PARD3B: variants seen among roughly 807,000 people sequenced by gnomAD.
PARD3B encodes par-3 family cell polarity regulator beta, also known as partitioning defective 3 homolog B.
Under a neutral mutation model 130.2 loss-of-function variants are expected in PARD3B, and 103 were observed. That is an observed-to-expected ratio of 0.79 (90% CI 0.67 to 0.93). The LOEUF (loss-of-function observed/expected upper bound fraction) is 0.93. Among genes scored for constraint, PARD3B ranks in the 40% least tolerant of loss-of-function variants. The pLI is 0.00. For missense variants in PARD3B, 1,609 were observed against 1,499.2 expected (o/e 1.07, Z -1.21); for synonymous variants, 583 against 553.2 (o/e 1.05, Z -0.76).
chr2:205,577,895 C>T (rs370603390), intron 22 of PARD3B, among the ~76,000 whole-genome samples: 19 of 152,214 alleles, frequency 1.2e-4, no homozygotes, highest in African/African-American at 2.6e-4. Flanking sequence ...AAGTTGTTTC[C>T]GTATTTTATG....
chr2:205,508,575 G>GA (rs11293944), intron 21 of PARD3B, among the ~76,000 whole-genome samples: 8 of 134,344 alleles, frequency 6.0e-5, no homozygotes, highest in African/African-American at 1.7e-4. Flanking sequence ...CTTTCTCCAA[G>GA]AAAAAAAAAA....
At chr2:205,408,967 C>T (rs1183784340) in intron 19 of PARD3B, among the ~76,000 whole-genome samples, 1 of 152,004 alleles carries the variant, frequency 6.6e-6, no homozygotes, top group East Asian at 1.9e-4. Flanking sequence ...TTTATGGCTC[C>T]CTTAAAATGC....
chr2:204,741,832 T>C (rs183776943), intron 2 of PARD3B, among the ~76,000 whole-genome samples: 24 of 151,870 alleles, frequency 1.6e-4, no homozygotes, highest in Middle Eastern at 3.4e-3. Flanking sequence ...CTACTCATTA[T>C]ATAATGGGCT....
At chr2:204,736,326 C>T (rs983536248) in intron 2 of PARD3B, among the ~76,000 whole-genome samples, 1 of 151,824 alleles carries the variant, frequency 6.6e-6, no homozygotes, top group African/African-American at 2.4e-5. Context: ...TTTTTTGTTA[C>T]ATAGATGAAT....
intron 2 of PARD3B, among the ~76,000 whole-genome samples, chr2:204,953,368 A>T (rs545843395): frequency 1.3e-5 from 2 of 151,368 alleles, no homozygotes; most frequent in South Asian, 4.2e-4. Flanking sequence ...CAGAAACAAA[A>T]TTGTGTGTTA....
intron 2 of PARD3B, among the ~76,000 whole-genome samples, chr2:204,919,059 A>T (rs986250797): frequency 6.6e-6 from 1 of 152,152 alleles, no homozygotes; most frequent in Non-Finnish European, 1.5e-5. Context: ...CCATCTACTT[A>T]ACACCTAGAT....
rs953677498 is a variant in PARD3B, at chr2:205,558,767, C to T, written c.3260+5364C>T. ...CATTCATGTCCCACTCTTGTGACCC[C>T]GTTTGATATACTCCTCCTTCTGCCT... On this transcript the variant is annotated intron_variant, in intron 22 of 22. Coordinates refer to ENST00000406610, the MANE Select transcript of PARD3B (RefSeq NM_001302769.2). This position sits in a 1 kb window ranked among gnomAD's most constrained non-coding sequence, Gnocchi z 4.8. Among the ~76,000 whole-genome samples the T allele has an allele frequency of 9.2e-5, 14 of 152,092 alleles. No individual in the cohort carries two copies. The highest frequency in any genetic ancestry group is 3.9e-4 in the East Asian group (2 of 5,170).
chr2:204,645,831 T>C (rs2035253250), intron 1 of PARD3B, among the ~76,000 whole-genome samples: 1 of 152,172 alleles, frequency 6.6e-6, no homozygotes. Context: ...TTCCTTTGCT[T>C]TTTTGACATG....
chr2:204,935,966 A>G (rs1187218427), intron 2 of PARD3B, among the ~76,000 whole-genome samples: 1 of 152,230 alleles, frequency 6.6e-6, no homozygotes, highest in African/African-American at 2.4e-5. Context: ...TTAATTGAGT[A>G]TACATTGTGT....
intron 18 of PARD3B, among the ~76,000 whole-genome samples, chr2:205,347,289 G>A (rs1269741715): frequency 6.6e-6 from 1 of 152,094 alleles, no homozygotes; most frequent in Non-Finnish European, 1.5e-5. Flanking sequence ...GTGATCCATT[G>A]AAAATGGTGG....
chr2:205,147,451 T>C (rs942391462), intron 10 of PARD3B, among the ~76,000 whole-genome samples: 1 of 152,208 alleles, frequency 6.6e-6, no homozygotes, highest in Admixed American at 6.5e-5. Context: ...AAATATTACA[T>C]TGAACAGGCA....
intron 2 of PARD3B, among the ~76,000 whole-genome samples, chr2:204,820,168 C>T (rs1283097514): frequency 2.7e-5 from 4 of 148,568 alleles, no homozygotes; most frequent in African/African-American, 7.6e-5. Context: ...CTCTACCTCC[C>T]GGGTTCAAGT....
At chr2:204,766,114 T>C (rs984211160) in intron 2 of PARD3B, among the ~76,000 whole-genome samples, 14 of 152,200 alleles carry the variant, frequency 9.2e-5, no homozygotes, top group Admixed American at 3.9e-4. Context: ...ATATATTTTG[T>C]TTCATATTAT....
At chr2:204,770,650 C>G (rs1014215123) in intron 2 of PARD3B, among the ~76,000 whole-genome samples, 7 of 151,910 alleles carry the variant, frequency 4.6e-5, no homozygotes, top group Non-Finnish European at 8.8e-5. Context: ...ATGCATGATG[C>G]GATATTTTGA....
chr2:205,482,968 C>T (rs905944417), intron 20 of PARD3B, among the ~76,000 whole-genome samples: 7 of 151,910 alleles, frequency 4.6e-5, no homozygotes, highest in Admixed American at 2.0e-4. Context: ...CAGCTGTGAG[C>T]GGCTGAATTC....
At chr2:205,542,546 C>G (rs2052203335) in intron 21 of PARD3B, among the ~76,000 whole-genome samples, 1 of 152,094 alleles carries the variant, frequency 6.6e-6, no homozygotes, top group Non-Finnish European at 1.5e-5. Flanking sequence ...CACAAAATAA[C>G]TTGGTTAATA....
chr2:205,602,725 A>C (rs2054837769), intron 22 of PARD3B, among the ~76,000 whole-genome samples: 1 of 151,976 alleles, frequency 6.6e-6, no homozygotes, highest in Non-Finnish European at 1.5e-5. Flanking sequence ...CCCCTTTATC[A>C]TTTTATATTG....
Position 205,580,766 on chromosome 2 carries a change from A to C in PARD3B, c.3260+27363A>C, listed in dbSNP as rs73060193. ...CTTCCTCTGTTTCAACCATTCTACC[A>C]ATGGTTGCTGCATTCTTCACTTGGT... On this transcript the variant is annotated intron_variant, in intron 22 of 22. Transcript: ENST00000406610. 7.9e-3 allele frequency among the ~76,000 whole-genome samples: 1,199 copies of C among 152,272 alleles called. 17 individuals are homozygous for C. The highest frequency in any genetic ancestry group is 0.026 in the African/African-American group (1,077 of 41,546).
intron 22 of PARD3B, among the ~76,000 whole-genome samples, chr2:205,559,419 T>G (rs1419580910): frequency 6.6e-6 from 1 of 152,126 alleles, no homozygotes; most frequent in African/African-American, 2.4e-5. Context: ...GTGCCGGGAT[T>G]ATAGGCATGA....
Sources: allele counts gnomAD v4.1 joint callset (sites outside exome capture counted in the v4.1 genomes callset), GRCh38; gene constraint gnomAD v4.1.1; non-coding constraint Gnocchi (gnomAD v3.1); transcripts MANE v1.5; gene names NCBI Gene and HGNC (gene_info 2026-07-23, HGNC 2026-07-21).